Variants in ZNF385B observed in about 807,000 individuals in gnomAD.
ZNF385B encodes the protein zinc finger protein 385B.
A neutral mutation model predicts 39.2 loss-of-function variants in ZNF385B; 23 were observed. The ratio of observed to expected loss-of-function variants is 0.59; its 90% CI spans 0.42 to 0.83. ZNF385B has a LOEUF of 0.83. Ranked by LOEUF, ZNF385B falls within the 40% of genes least tolerant of loss-of-function variation. ZNF385B has a pLI of 0.00. For synonymous variants in ZNF385B, 205 were observed against 222.6 expected, an observed-to-expected ratio of 0.92 and a Z score of 0.70; for missense variants, 552 against 598.9, an observed-to-expected ratio of 0.92 and a Z score of 0.82.
chr2:179,722,210 T>C (rs1170369382), intron 3 of ZNF385B, among the ~76,000 whole-genome samples: 5 of 152,130 alleles, frequency 3.3e-5, no homozygotes, highest in African/African-American at 9.7e-5. Context: ...AAGGAAGATA[T>C]AAATTTATGG....
intron 1 of ZNF385B, among the ~76,000 whole-genome samples, chr2:179,849,536 G>A (rs1708971590): frequency 1.3e-5 from 2 of 152,188 alleles, no homozygotes; most frequent in South Asian, 2.1e-4. Context: ...AATAGAATGG[G>A]TGGGGTAAGC....
intron 1 of ZNF385B, chr2:179,796,373 G>A (rs1705666361): frequency 6.6e-6 from 1 of 152,068 alleles, no homozygotes; most frequent in African/African-American, 2.4e-5. Context: ...TACTGAAATT[G>A]CTGTTTCTTA....
At chr2:179,547,089 G>T (rs2060283335) in intron 3 of ZNF385B, among the ~76,000 whole-genome samples, 1 of 149,534 alleles carries the variant, frequency 6.7e-6, no homozygotes, top group African/African-American at 2.5e-5. Context: ...AAATAGACTT[G>T]TTTGAGCTCC....
rs149932067 is a variant in ZNF385B, at chr2:179,620,568, C to G, written c.299-75599G>C. 4.0e-4 allele frequency among the ~76,000 whole-genome samples: 61 copies of G among 152,014 alleles called. No individual in the cohort carries two copies. The East Asian group carries it at 9.5e-3, about 24-fold the overall frequency. ...GCATCTTCTGAATCTAGTATCAGTTCCATGTATTTAGGACTTTAAAATCTT... is the reference window on the plus strand; with the variant it reads ...GCATCTTCTGAATCTAGTATCAGTTGCATGTATTTAGGACTTTAAAATCTT... On this transcript the variant is annotated intron_variant, in intron 3 of 9. Coordinates refer to ENST00000410066, the MANE Select transcript of ZNF385B (RefSeq NM_152520.6).
At chr2:179,639,521 T>C (rs1281114287) in intron 3 of ZNF385B, among the ~76,000 whole-genome samples, 1 of 152,092 alleles carries the variant, frequency 6.6e-6, no homozygotes, top group African/African-American at 2.4e-5. Context: ...ACAAGTTACT[T>C]GCCAATTATA....
At chr2:179,624,838 T>C (rs1362913842) in intron 3 of ZNF385B, among the ~76,000 whole-genome samples, 1 of 152,144 alleles carries the variant, frequency 6.6e-6, no homozygotes, top group Non-Finnish European at 1.5e-5. Flanking sequence ...CAACCAACAA[T>C]CATAAATGCC....
At chr2:179,743,074 T>C (rs1444107902) in intron 3 of ZNF385B, among the ~76,000 whole-genome samples, 1 of 152,104 alleles carries the variant, frequency 6.6e-6, no homozygotes, top group Non-Finnish European at 1.5e-5. Context: ...TCTAAGAGAA[T>C]TCTAACATTC....
chr2:179,449,583 T>G (rs983138597), intron 6 of ZNF385B, among the ~76,000 whole-genome samples: 2 of 152,200 alleles, frequency 1.3e-5, no homozygotes, highest in Non-Finnish European at 2.9e-5. Flanking sequence ...TAGAAACCAC[T>G]GCTCAATGAA....
intron 3 of ZNF385B, among the ~76,000 whole-genome samples, chr2:179,693,963 A>C (rs1698536764): frequency 6.6e-6 from 1 of 152,226 alleles, no homozygotes; most frequent in African/African-American, 2.4e-5. Flanking sequence ...TTACAATCAG[A>C]GCAATGTCAT....
chr2:179,477,728 T>A (rs1430848731), intron 6 of ZNF385B, among the ~76,000 whole-genome samples: 1 of 151,804 alleles, frequency 6.6e-6, no homozygotes, highest in Non-Finnish European at 1.5e-5. Context: ...AAGCAGGAAC[T>A]TTGAGAATAT....
chr2:179,486,005 C>A (rs1020994517), intron 5 of ZNF385B, among the ~76,000 whole-genome samples: 5 of 151,868 alleles, frequency 3.3e-5, no homozygotes, highest in African/African-American at 1.2e-4. Context: ...ATGTTGTTCT[C>A]TGTCAAGTTG....
chr2:179,742,301 G>A (rs1459540237), intron 3 of ZNF385B, among the ~76,000 whole-genome samples: 1 of 152,006 alleles, frequency 6.6e-6, no homozygotes, highest in African/African-American at 2.4e-5. Context: ...ACAGGAATGT[G>A]CAGCCTCCAT....
At chr2:179,711,807 T>C (rs573900909) in intron 3 of ZNF385B, among the ~76,000 whole-genome samples, 1 of 151,862 alleles carries the variant, frequency 6.6e-6, no homozygotes, top group Non-Finnish European at 1.5e-5. Flanking sequence ...GCAAAAATGC[T>C]ATATAAACTG....
chr2:179,745,725 G>T (rs1274437356), intron 3 of ZNF385B: 5 of 1,544,052 alleles, frequency 3.2e-6, no homozygotes, highest in Non-Finnish European at 4.4e-6. Context: ...CTGCTAGGAA[G>T]TCCACTCCAC....
intron 3 of ZNF385B, among the ~76,000 whole-genome samples, chr2:179,752,177 A>C: frequency 6.6e-6 from 1 of 152,024 alleles, no homozygotes; most frequent in East Asian, 1.9e-4. Flanking sequence ...GAGTGAGAAC[A>C]CGTGGTGTTT....
chr2:179,686,423 A>G (rs1697931110), intron 3 of ZNF385B, among the ~76,000 whole-genome samples: 1 of 152,222 alleles, frequency 6.6e-6, no homozygotes, highest in Admixed American at 6.5e-5. Flanking sequence ...CATTGAAAAG[A>G]GACGTTAGCC....
intron 1 of ZNF385B, among the ~76,000 whole-genome samples, chr2:179,853,637 G>T (rs956738647): frequency 6.6e-6 from 1 of 152,206 alleles, no homozygotes; most frequent in African/African-American, 2.4e-5. Flanking sequence ...TCTTGGCAAA[G>T]AAATCAGTGT....
At chr2:179,526,642 T>C (rs2058921853) in intron 4 of ZNF385B, among the ~76,000 whole-genome samples, 1 of 151,944 alleles carries the variant, frequency 6.6e-6, no homozygotes, top group South Asian at 2.1e-4. Context: ...AAATAGAACA[T>C]TACACAGGGA....
intron 3 of ZNF385B, among the ~76,000 whole-genome samples, chr2:179,651,045 G>C (rs1268343368): frequency 6.6e-6 from 1 of 152,120 alleles, no homozygotes; most frequent in Non-Finnish European, 1.5e-5. Flanking sequence ...GAAAGGACAT[G>C]ACTTACCTTA....
Sources: gnomAD v4.1 joint callset for allele counts (sites outside exome capture counted in the v4.1 genomes callset) on GRCh38, gnomAD v4.1.1 for gene constraint, MANE v1.5 for transcripts, NCBI Gene and HGNC (gene_info 2026-07-23, HGNC 2026-07-21) for gene names.